Variants in PLEC observed in about 807,000 individuals in gnomAD.
The protein encoded by PLEC is hemidesmosomal protein 1.
PLEC carries 216 observed loss-of-function variants against 392.8 expected under a neutral mutation model. That is an observed-to-expected ratio of 0.55 (90% CI 0.49 to 0.62). The LOEUF (loss-of-function observed/expected upper bound fraction) is 0.62. PLEC is among the 20% of genes least tolerant of loss of function. The pLI is 0.00. For missense variants in PLEC, 6,863 were observed against 6,563.4 expected, an observed-to-expected ratio of 1.05 and a Z score of -1.58; for synonymous variants, 3,621 against 2,980.6, an observed-to-expected ratio of 1.21 and a Z score of -7.00.
At position 143,932,011 on chromosome 8, in the gene PLEC, T is replaced by G. The variant is rs781902452; in HGVS notation, c.2104A>C (p.Thr702Pro). Residue 702 changes from threonine (T) to proline (P), a missense_variant, in exon 18 of 32, where the codon ACG becomes CCG. Thr to Pro is a conservative substitution (Grantham distance 38, BLOSUM62 -1). Transcript: ENST00000345136. The part of the protein sequence containing the change: ...TVESFQAALQ[T>P]QWSWMLQLCC... ...AGCTGTAGCATCCAGCTCCACTGCG[T>G]CTGCAGGGCCGCCTGGAAGGACTGC... 6.2e-7 allele frequency: 1 copy of G among 1,604,544 alleles called. No individual in the cohort carries two copies. The highest frequency in any genetic ancestry group is 1.1e-5 in the South Asian group (1 of 89,890).
rs1307426807 is a variant in PLEC, at chr8:143,922,191, C to G, written c.7630G>C (p.Glu2544Gln). Residue 2544 changes from glutamate (E) to glutamine (Q), a missense_variant, in exon 32 of 32, where the codon GAA becomes CAA. Transcript: ENST00000345136. ...QQRQQQQMEQ[E>Q]RQRLVASMEE... ...ATGCTGGCCACCAGCCGCTGCCGTT[C>G]CTGCTCCATCTGCTGCTGCTGCCGC... 3 of 1,549,130 alleles carry G rather than the reference C, an allele frequency of 1.9e-6. No individual in the cohort carries two copies. Among genetic ancestry groups the G allele is most frequent in the South Asian group, 2.3e-5 (2 of 85,902 alleles).
chr8:143,924,812 T>C lies in PLEC; in HGVS notation c.5117A>G (p.Gln1706Arg). ...CTCCTGCTCCGCGGCCAGGCGCTGC[T>C]GCGCGGTGCCTTCCGCCAGCTGCCG... Reference protein sequence around the residue: ...KQRQLAEGTAQQRLAAEQELI... With the variant: ...KQRQLAEGTARQRLAAEQELI... Residue 1706 changes from glutamine to arginine, a missense_variant, in exon 31 of 32, where the codon CAG becomes CGG. Gln to Arg is a conservative substitution (Grantham distance 43). Coordinates refer to ENST00000345136, the MANE Select transcript of PLEC (RefSeq NM_201384.3). 1 of 1,540,146 alleles carries C rather than the reference T, an allele frequency of 6.5e-7. No homozygotes were observed. Among genetic ancestry groups the C allele is most frequent in the South Asian group, 1.2e-5 (1 of 84,586 alleles).
In PLEC at chr8:143,916,024, C is replaced by G. The variant is rs76773857; in HGVS notation, c.*153G>C. ...TCCCCCAAGATACAGGCTGTCTGGA[C>G]AGCAGATATATATTAATATATTAGT... On this transcript the variant is annotated 3_prime_UTR_variant, in exon 32 of 32. Coordinates refer to ENST00000345136, the MANE Select transcript of PLEC (RefSeq NM_201384.3). The G allele has an allele frequency of 8.8e-6, 5 of 565,526 alleles. No homozygotes were observed. The Admixed American group carries it at 1.0e-4, about 12-fold the overall frequency. The allele number at this position is 565,526 out of a possible 1,614,324, so 35.0% of individuals were successfully genotyped here.
chr8:143,945,273 C>G, intron 1 of PLEC: 2 of 482,148 alleles, frequency 4.1e-6, no homozygotes, highest in South Asian at 1.5e-5. Flanking sequence ...CACAGCACAG[C>G]CTCTCCTGGG....
chr8:143,954,018 A>C, upstream of PLEC: 1 of 943,142 alleles, frequency 1.1e-6, no homozygotes, highest in Non-Finnish European at 1.5e-6. The surrounding 1 kb of genome is among the most constrained non-coding windows in gnomAD (Gnocchi z 4.6). Context: ...CGCTAACCCC[A>C]GCCAGACTGC....
In PLEC at chr8:143,927,254, T is replaced by C. The variant is rs781806755; in HGVS notation, c.3838A>G (p.Lys1280Glu). The stretch of plus-strand genomic sequence containing the variant: ...TGGTGCAGGCGGCTGGGCCTCACCT[T>C]GATGGCGTTGATGTACTGTTTCGCA... ...RFAKQYINAI[K>E]DYELQLVTYK... The change falls in exon 28 of 32, where the codon AAG becomes GAG. Residue 1280 changes from lysine to glutamate, a missense_variant and splice_region_variant. Physicochemically the swap from Lys to Glu is moderately conservative, Grantham distance 56. Transcript: ENST00000345136. 9.9e-6 allele frequency: 16 copies of C among 1,613,052 alleles called. No homozygotes were observed. Among genetic ancestry groups the C allele is most frequent in the Non-Finnish European group, 1.4e-5 (16 of 1,179,764 alleles).
chr8:143,958,942 C>T lies in PLEC; in HGVS notation c.70+14461G>A, dbSNP rs1554739993. On this transcript the variant is annotated intron_variant, in intron 1 of 31. Coordinates refer to the PLEC transcript ENST00000356346. This position sits in a 1 kb window ranked among gnomAD's most constrained non-coding sequence, Gnocchi z 4.9. ...CCCAGAACTCTGTTAATATCGTTGA[C>T]TTCACTAGCAGATTAAAGGAGAAAA... 2 of 187,126 alleles carry T rather than the reference C, an allele frequency of 1.1e-5. No homozygotes were observed. The highest frequency in any genetic ancestry group is 5.6e-5 in the Admixed American group (1 of 17,826). 11.6% of individuals were successfully genotyped at this position (187,126 alleles called of 1,614,324 possible). A position where few individuals can be genotyped will look rare whatever the true frequency, so the allele number is the denominator to read the frequency against.
intron 1 of PLEC, among the ~76,000 whole-genome samples, chr8:143,963,079 G>A (rs782785983): frequency 1.3e-5 from 2 of 152,174 alleles, no homozygotes; most frequent in East Asian, 1.9e-4. Flanking sequence ...GGGAGGATCC[G>A]AGTGAACCCT....
At position 143,918,843 on chromosome 8, in the gene PLEC, G is replaced by A; in HGVS notation, c.10978C>T (p.Leu3660Phe). ...TCCCGGAGCAGGTTGTAGGTCTCGA[G>A]AGAGATGATCCGAGCCTCGAACAGG... ...EDLFEARIIS[L>F]ETYNLLREGT... Residue 3660 changes from leucine to phenylalanine, a missense_variant, in exon 32 of 32, where the codon CTC becomes TTC. Leu to Phe is a conservative substitution (Grantham distance 22, BLOSUM62 0). Coordinates refer to ENST00000345136, the MANE Select transcript of PLEC (RefSeq NM_201384.3). 2 of 1,613,070 alleles carry A rather than the reference G, an allele frequency of 1.2e-6. No individual in the cohort carries two copies. Among genetic ancestry groups the A allele is most frequent in the Non-Finnish European group, 1.7e-6 (2 of 1,180,030 alleles).
chr8:143,922,380 G>C lies in PLEC; in HGVS notation c.7441C>G (p.Gln2481Glu), dbSNP rs782016209. Residue 2481 changes from glutamine (Q) to glutamate (E), a missense_variant, in exon 32 of 32, where the codon CAG becomes GAG. Physicochemically the swap from Gln to Glu is conservative, Grantham distance 29 (BLOSUM62 2). Coordinates refer to ENST00000345136, the MANE Select transcript of PLEC (RefSeq NM_201384.3). ...LKSEEMQTVQ[Q>E]EQLLQETQAL... ...TGCGTCTCCTGCAGCAGCTGCTCCT[G>C]CTGCACCGTCTGCATCTGCAGAAGA... 4.4e-5 allele frequency: 71 copies of C among 1,602,398 alleles called. No homozygotes were observed. The highest frequency in any genetic ancestry group is 2.9e-5 in the Non-Finnish European group (34 of 1,179,938).
rs782620833 is a variant in PLEC at position 143,923,164 on chromosome 8, G to T, written c.6765C>A (p.Ile2255=). The T allele has an allele frequency of 1.2e-6, 2 of 1,602,716 alleles. No homozygotes were observed. Among genetic ancestry groups the T allele is most frequent in the Non-Finnish European group, 1.7e-6 (2 of 1,179,890 alleles). Residue 2255 remains isoleucine (I), a synonymous_variant, in exon 31 of 32, where the codon ATC becomes ATA. Transcript: ENST00000345136. The part of the protein sequence containing the change: ...ARIEAENRAL[I]LRDKDNTQRF... ...GCTGCGTATTGTCCTTGTCACGCAA[G>T]ATGAGTGCGCGGTTCTCAGCCTCGA... is the stretch of plus-strand genomic sequence containing the variant.
chr8:143,939,904 C>T (rs1830121318), upstream of PLEC, among the ~76,000 whole-genome samples: 3 of 152,218 alleles, frequency 2.0e-5, no homozygotes, highest in Admixed American at 6.5e-5. Context: ...CAGAAGGACC[C>T]CCCAACAGAC....
chr8:143,922,471 C>G (rs1554689727), intron 31 of PLEC, 33 bp downstream of exon 31: 1 of 1,602,770 alleles, frequency 6.2e-7, no homozygotes, highest in Non-Finnish European at 8.5e-7. Flanking sequence ...ATCCCCGGGC[C>G]CACCCGCCCG....
At chr8:143,950,114 C>CA in intron 1 of PLEC, 1 of 1,451,210 alleles carries the variant, frequency 6.9e-7, no homozygotes, top group Non-Finnish European at 9.1e-7. Flanking sequence ...AGCCCAGGCC[C>CA]AGGCCCAAGA....
chr8:143,918,460 C>T lies in PLEC; in HGVS notation c.11361G>A (p.Lys3787=), dbSNP rs1554675335. The T allele has an allele frequency of 2.5e-6, 4 of 1,590,918 alleles. No individual in the cohort carries two copies. Among genetic ancestry groups the T allele is most frequent in the Non-Finnish European group, 2.6e-6 (3 of 1,170,458 alleles). ...CCTCCTCAGTAGGGATCAGCTCCTT[C>T]TTCATGGCCTGGAAGAGCGAGATGG... ...EQTISLFQAM[K]KELIPTEEAL... The change falls in exon 32 of 32, where the codon AAG becomes AAA. Residue 3787 remains lysine (K), a synonymous_variant. Coordinates refer to ENST00000345136, the MANE Select transcript of PLEC (RefSeq NM_201384.3).
upstream of PLEC, among the ~76,000 whole-genome samples, chr8:143,976,514 C>T (rs1833667594): frequency 1.3e-5 from 2 of 152,130 alleles, no homozygotes; most frequent in African/African-American, 4.8e-5. Context: ...GCCCACACCC[C>T]GGGCACCGCC....
Position 143,961,159 on chromosome 8 carries a change from C to T in PLEC, c.70+12244G>A, listed in dbSNP as rs185081391. On this transcript the variant is annotated intron_variant, in intron 1 of 31. Coordinates refer to the PLEC transcript ENST00000356346. ...TCCAGATTTTTGATTTTTGCCAATA[C>T]GATAGGTAAAAAACAGTATCTTGAT... 2.1e-4 allele frequency among the ~76,000 whole-genome samples: 32 copies of T among 152,182 alleles called. No individual in the cohort carries two copies. In the East Asian group the frequency reaches 4.8e-3, roughly 23 times the overall value.
Position 143,925,437 on chromosome 8 carries a change from G to T in PLEC, c.4492C>A (p.Arg1498Ser). The T allele has an allele frequency of 6.3e-7, 1 of 1,595,090 alleles. No individual in the cohort carries two copies. Reference sequence around the variant, plus strand: ...TCGTCCTGCACCTGCCTCCGCAAGCGCTCGGCCTCCTCCTGCGCCTGTCGC... The same window carrying T: ...TCGTCCTGCACCTGCCTCCGCAAGCTCTCGGCCTCCTCCTGCGCCTGTCGC... ...QKRQAQEEAE[R>S]LRRQVQDESQ... The change falls in exon 31 of 32, where the codon CGC (arginine) becomes AGC (serine). Residue 1498 changes from arginine to serine, a missense_variant. Physicochemically the swap from Arg to Ser is moderately radical, Grantham distance 110. Transcript: ENST00000345136.
chr8:143,973,500 G>A lies in PLEC; in HGVS notation c.-28C>T, dbSNP rs782044388. On this transcript the variant is annotated 5_prime_UTR_variant, in exon 1 of 32. Coordinates refer to the PLEC transcript ENST00000356346. The surrounding 1 kb of genome is among the most constrained non-coding windows in gnomAD (Gnocchi z 5.6). ...CGGCGGGCGCGGGGCGCGGGGTGCA[G>A]CGGAGCCTCCAGCACCCGGCGGCCA... 2.7e-6 allele frequency: 4 copies of A among 1,481,000 alleles called. No homozygotes were observed. The highest frequency in any genetic ancestry group is 2.6e-5 in the South Asian group (2 of 78,148). The allele number at this position is 1,481,000 out of a possible 1,614,324, so 91.7% of individuals were successfully genotyped here.
Sources: allele counts gnomAD v4.1 joint callset (sites outside exome capture counted in the v4.1 genomes callset), GRCh38; gene constraint gnomAD v4.1.1; non-coding constraint Gnocchi (gnomAD v3.1); transcripts MANE v1.5; gene names NCBI Gene and HGNC (gene_info 2026-07-23, HGNC 2026-07-21).